BAZ2B: variants seen among roughly 807,000 people sequenced by gnomAD.
The protein encoded by BAZ2B is bromodomain adjacent to zinc finger domain 2B.
Under a neutral mutation model 246.0 loss-of-function variants are expected in BAZ2B, and 91 were observed. That is an observed-to-expected ratio of 0.37 (90% CI 0.31 to 0.44). The LOEUF (loss-of-function observed/expected upper bound fraction) is 0.44. BAZ2B is among the 20% of genes least tolerant of loss of function. BAZ2B has a pLI of 1.00. For missense variants in BAZ2B, 2,332 were observed against 2,533.7 expected (o/e 0.92, Z 1.71); for synonymous variants, 855 against 860.0 (o/e 0.99, Z 0.10).
chr2:159,383,398 A>G, intron 24 of BAZ2B, among the ~76,000 whole-genome samples: 1 of 143,300 alleles, frequency 7.0e-6, no homozygotes, highest in African/African-American at 2.7e-5. Flanking sequence ...CTAAGTATGA[A>G]GAATATAAGC....
intron 21 of BAZ2B, 90 bp from the exon 22 acceptor site, chr2:159,386,697 T>C (rs1481121290): frequency 1.4e-6 from 2 of 1,385,848 alleles, no homozygotes; most frequent in Non-Finnish European, 9.6e-7. Context: ...AATAAGCTGC[T>C]ACCTTTTTTC....
At chr2:159,583,653 G>GA (rs962245805) in intron 1 of BAZ2B, among the ~76,000 whole-genome samples, 11 of 150,520 alleles carry the variant, frequency 7.3e-5, no homozygotes, top group Non-Finnish European at 1.2e-4. Flanking sequence ...TGAACAAAAA[G>GA]AAAAAAAAAT....
intron 2 of BAZ2B, among the ~76,000 whole-genome samples, chr2:159,532,966 A>G (rs1334490512): frequency 6.6e-6 from 1 of 152,242 alleles, no homozygotes; most frequent in Non-Finnish European, 1.5e-5. Flanking sequence ...AAACAAAATC[A>G]TGACTTCAGA....
intron 1 of BAZ2B, among the ~76,000 whole-genome samples, chr2:159,605,402 C>G (rs898450359): frequency 3.3e-5 from 5 of 152,168 alleles, no homozygotes; most frequent in Middle Eastern, 3.4e-3. Context: ...TTTTAAAGTG[C>G]TGAGATTATA....
the BAZ2B span, among the ~76,000 whole-genome samples, chr2:159,631,983 G>A: frequency 2.0e-5 from 3 of 152,102 alleles, no homozygotes; most frequent in African/African-American, 7.2e-5. Flanking sequence ...TCCTTTAACA[G>A]TTATAGGTAA....
At chr2:159,394,260 G>C (rs2063709462) in intron 20 of BAZ2B, among the ~76,000 whole-genome samples, 1 of 152,022 alleles carries the variant, frequency 6.6e-6, no homozygotes, top group Non-Finnish European at 1.5e-5. Context: ...AGAGAATTAG[G>C]TTCAGTGTTC....
chr2:159,589,694 T>A (rs7595044), intron 1 of BAZ2B, among the ~76,000 whole-genome samples: 83,994 of 151,974 alleles, frequency 0.55, 23,970 homozygotes, highest in East Asian at 0.74. Context: ...TTAGTGTATA[T>A]CTGACATAAA....
the BAZ2B span, among the ~76,000 whole-genome samples, chr2:159,654,184 C>T: frequency 5.3e-5 from 8 of 152,224 alleles, no homozygotes; most frequent in Admixed American, 3.9e-4. Flanking sequence ...AAAAGATAGC[C>T]GTTTCCCAAC....
intron 1 of BAZ2B, among the ~76,000 whole-genome samples, chr2:159,599,560 G>A (rs1258478995): frequency 1.3e-5 from 2 of 152,010 alleles, no homozygotes; most frequent in African/African-American, 4.8e-5. Flanking sequence ...GGAGGTTGCT[G>A]TGGGCCGACA....
chr2:159,362,451 G>T (rs1250269900), intron 27 of BAZ2B, among the ~76,000 whole-genome samples: 3 of 152,176 alleles, frequency 2.0e-5, no homozygotes, highest in African/African-American at 7.2e-5. Flanking sequence ...TCGTCTCTTG[G>T]AGTGCTCTTG....
At chr2:159,382,932 TA>T (rs538397647) in intron 24 of BAZ2B, 130 bp from the exon 25 acceptor site, 159 of 1,217,168 alleles carry the variant, frequency 1.3e-4, no homozygotes, top group Admixed American at 2.7e-4. Context: ...ATACCAATGT[TA>T]AAAAAAATTA....
intron 20 of BAZ2B, among the ~76,000 whole-genome samples, chr2:159,390,337 T>C (rs2149593861): frequency 6.6e-6 from 1 of 152,250 alleles, no homozygotes; most frequent in Non-Finnish European, 1.5e-5. Context: ...CATATTTTTT[T>C]CTGTGTAGGT....
intron 2 of BAZ2B, among the ~76,000 whole-genome samples, chr2:159,549,527 G>A (rs987853104): frequency 6.6e-6 from 1 of 151,854 alleles, no homozygotes. Context: ...TGGCTTCCCC[G>A]GGCTACACTG....
At chr2:159,540,750 GA>G (rs1157332200) in intron 2 of BAZ2B, among the ~76,000 whole-genome samples, 15 of 151,974 alleles carry the variant, frequency 9.9e-5, no homozygotes, top group Non-Finnish European at 2.9e-5. Flanking sequence ...ACGATACTTG[GA>G]AACTATCTGG....
At chr2:159,335,106 T>A (rs2065402921) in intron 33 of BAZ2B, among the ~76,000 whole-genome samples, 4 of 152,104 alleles carry the variant, frequency 2.6e-5, no homozygotes, top group Admixed American at 2.6e-4. Flanking sequence ...CTCTCTTTTT[T>A]AAAAAAATCA....
chr2:159,601,620 C>T (rs1450914885), intron 1 of BAZ2B, among the ~76,000 whole-genome samples: 1 of 151,652 alleles, frequency 6.6e-6, no homozygotes, highest in Admixed American at 6.6e-5. Context: ...ACTCGGGAGG[C>T]TGAGGCAGGA....
intron 22 of BAZ2B, 76 bp downstream of exon 22, chr2:159,386,277 T>C: frequency 7.3e-7 from 1 of 1,365,318 alleles, no homozygotes; most frequent in East Asian, 2.5e-5. Flanking sequence ...TATAATCTTC[T>C]GCTAATATGC....
At chr2:159,594,659 T>C (rs1690224284) in intron 1 of BAZ2B, among the ~76,000 whole-genome samples, 1 of 151,846 alleles carries the variant, frequency 6.6e-6, no homozygotes, top group Admixed American at 6.6e-5. Context: ...TGACATGTAA[T>C]CTTGTTTTGT....
rs149296114 is a variant in BAZ2B, at chr2:159,341,528, A to G, written c.5455-3756T>C. Among the ~76,000 whole-genome samples, 96 of 152,298 alleles carry G rather than the reference A, an allele frequency of 6.3e-4. 1 individual carries two copies. In the East Asian group the frequency reaches 0.015, roughly 25 times the overall value. On this transcript the variant is annotated intron_variant, in intron 31 of 36. Transcript: ENST00000392783. Reference sequence around the variant, plus strand: ...AAATTTAATCTGCACCATAGACCAAATGGACACGTACAGAACATTTCATCC... The same window carrying G: ...AAATTTAATCTGCACCATAGACCAAGTGGACACGTACAGAACATTTCATCC...
Sources: allele counts gnomAD v4.1 joint callset (sites outside exome capture counted in the v4.1 genomes callset), GRCh38; gene constraint gnomAD v4.1.1; transcripts MANE v1.5; gene names NCBI Gene and HGNC (gene_info 2026-07-23, HGNC 2026-07-21).